The following GLIS3 variants were observed in gnomAD, a reference collection of about 807,000 sequenced individuals.
The protein encoded by GLIS3 is zinc finger protein GLIS3.
In GLIS3, 53 loss-of-function variants were observed where a neutral mutation model predicts 78.6. The ratio of observed to expected loss-of-function variants is 0.67; its 90% CI spans 0.54 to 0.85. GLIS3 has a LOEUF of 0.85. Ranked by LOEUF, GLIS3 falls within the 40% of genes least tolerant of loss-of-function variation. The probability of loss-of-function intolerance (pLI) is 0.00; values close to 1 mark genes in which losing one functional copy is unlikely to be tolerated. For synonymous variants in GLIS3, 684 were observed against 509.9 expected, an observed-to-expected ratio of 1.34 and a Z score of -4.60; for missense variants, 1,703 against 1,231.1, an observed-to-expected ratio of 1.38 and a Z score of -5.74.
chr9:4,129,983 C>A (rs921458393), intron 2 of GLIS3, among the ~76,000 whole-genome samples: 7 of 152,176 alleles, frequency 4.6e-5, no homozygotes. Context: ...TTGTTGGGAA[C>A]TGGAGCAAAG....
chr9:3,842,809 C>T (rs1818803650), intron 9 of GLIS3, among the ~76,000 whole-genome samples: 1 of 152,164 alleles, frequency 6.6e-6, no homozygotes, highest in Non-Finnish European at 1.5e-5. Context: ...GAAAGTTTTC[C>T]AAGTGAAATA....
chr9:4,001,490 C>T (rs1034644857), intron 4 of GLIS3, among the ~76,000 whole-genome samples: 6 of 152,120 alleles, frequency 3.9e-5, no homozygotes, highest in African/African-American at 1.2e-4. Flanking sequence ...AACAATAACA[C>T]AAGACAAGTT....
chr9:4,191,836 G>C (rs2131221182), intron 2 of GLIS3, among the ~76,000 whole-genome samples: 3 of 151,996 alleles, frequency 2.0e-5, no homozygotes, highest in Middle Eastern at 6.8e-3. Context: ...GAAAAATACT[G>C]ATGAATCAGA....
At chr9:4,243,383 CAT>C (rs1272519177) in intron 2 of GLIS3, among the ~76,000 whole-genome samples, 1 of 90,022 alleles carries the variant, frequency 1.1e-5, no homozygotes, top group East Asian at 3.9e-4. Flanking sequence ...CATGTTTACA[CAT>C]GCACACATAC....
chr9:4,397,565 C>T, the GLIS3 span, among the ~76,000 whole-genome samples: 2 of 151,250 alleles, frequency 1.3e-5, no homozygotes, highest in Non-Finnish European at 2.9e-5. Flanking sequence ...TGTAACCCTG[C>T]TGTGTGCTGT....
chr9:3,980,192 T>A lies in GLIS3; in HGVS notation c.1711-43003A>T, dbSNP rs376267377. On this transcript the variant is annotated intron_variant, in intron 4 of 10. Transcript: ENST00000381971. ...GGTCTGCTGCTTAAAAAGAAAAAAA[T>A]TTTTTTCCAACACAGCTTCTAGTGT... Among the ~76,000 whole-genome samples, 169 of 152,274 alleles carry A rather than the reference T, an allele frequency of 1.1e-3. 1 individual carries two copies. The highest frequency in any genetic ancestry group is 3.8e-3 in the African/African-American group (158 of 41,548).
the GLIS3 span, among the ~76,000 whole-genome samples, chr9:4,399,467 T>C: frequency 6.6e-6 from 1 of 152,240 alleles, no homozygotes. Flanking sequence ...CTTATGAATA[T>C]GAAATAATTT....
intron 3 of GLIS3, among the ~76,000 whole-genome samples, chr9:4,121,818 C>G (rs1832212835): frequency 6.6e-5 from 10 of 152,180 alleles, no homozygotes; most frequent in Admixed American, 6.5e-4. Context: ...GGCTTAAAGT[C>G]ACACAAGCTA....
At chr9:3,854,624 C>T (rs1819642916) in intron 9 of GLIS3, among the ~76,000 whole-genome samples, 1 of 151,958 alleles carries the variant, frequency 6.6e-6, no homozygotes, top group Non-Finnish European at 1.5e-5. Flanking sequence ...GCCAGTTCCG[C>T]CTCCCGGGTT....
chr9:4,186,461 G>A (rs925218278), intron 2 of GLIS3, among the ~76,000 whole-genome samples: 4 of 151,776 alleles, frequency 2.6e-5, no homozygotes, highest in Admixed American at 6.6e-5. Context: ...ATAAACATAT[G>A]TGTGCATGTG....
At chr9:4,256,744 T>C (rs1824979804) in intron 2 of GLIS3, among the ~76,000 whole-genome samples, 1 of 152,174 alleles carries the variant, frequency 6.6e-6, no homozygotes, top group Non-Finnish European at 1.5e-5. Context: ...AATTACACAG[T>C]AGAATATGAC....
At chr9:3,867,414 C>T (rs1223720997) in intron 8 of GLIS3, among the ~76,000 whole-genome samples, 1 of 152,206 alleles carries the variant, frequency 6.6e-6, no homozygotes, top group Non-Finnish European at 1.5e-5. Context: ...AAAGTTCATT[C>T]CAAAGGCCAA....
At chr9:4,404,180 A>C in the GLIS3 span, among the ~76,000 whole-genome samples, 1 of 152,238 alleles carries the variant, frequency 6.6e-6, no homozygotes, top group Non-Finnish European at 1.5e-5. Context: ...ATTCAATTGT[A>C]AATATATATG....
intron 1 of GLIS3, among the ~76,000 whole-genome samples, chr9:4,287,099 T>C (rs994416877): frequency 2.0e-5 from 3 of 152,206 alleles, no homozygotes; most frequent in African/African-American, 7.2e-5. Context: ...CACATATTCA[T>C]ATATTCAAAT....
the GLIS3 span, among the ~76,000 whole-genome samples, chr9:4,427,032 C>T: frequency 6.6e-6 from 1 of 152,160 alleles, no homozygotes; most frequent in Non-Finnish European, 1.5e-5. Context: ...ACCTAGCAAA[C>T]AAATTTTGCA....
chr9:4,157,089 G>C (rs1317765003), intron 2 of GLIS3, among the ~76,000 whole-genome samples: 3 of 152,144 alleles, frequency 2.0e-5, no homozygotes, highest in Admixed American at 6.5e-5. Flanking sequence ...CTAATAATTT[G>C]TCAAACTCCT....
intron 6 of GLIS3, among the ~76,000 whole-genome samples, chr9:3,918,286 C>G (rs1159000374): frequency 6.6e-5 from 10 of 152,206 alleles, no homozygotes; most frequent in Admixed American, 6.5e-4. Context: ...CCAACAAGAA[C>G]TCCACCTTGA....
intron 4 of GLIS3, chr9:4,034,552 G>A (rs1824147894): frequency 6.6e-6 from 1 of 152,136 alleles, no homozygotes; most frequent in Non-Finnish European, 1.5e-5. Context: ...TGGTCGTGTT[G>A]GCTGTCCTCG....
At chr9:4,052,757 T>C (rs1825829442) in intron 4 of GLIS3, among the ~76,000 whole-genome samples, 1 of 152,224 alleles carries the variant, frequency 6.6e-6, no homozygotes. Flanking sequence ...ATCTTTTGCC[T>C]ATTATGAGCA....
Sources: allele counts gnomAD v4.1 joint callset (sites outside exome capture counted in the v4.1 genomes callset), GRCh38; gene constraint gnomAD v4.1.1; transcripts MANE v1.5; gene names NCBI Gene and HGNC (gene_info 2026-07-23, HGNC 2026-07-21).